The following ANKFN1 variants were observed in gnomAD, a reference collection of about 807,000 sequenced individuals.
The protein encoded by ANKFN1 is ankyrin repeat and fibronectin type-III domain-containing protein 1.
In ANKFN1, 74 loss-of-function variants were observed where a neutral mutation model predicts 108.7. The ratio of observed to expected loss-of-function variants is 0.68; its 90% CI spans 0.56 to 0.83. The LOEUF is 0.83. ANKFN1 is among the 40% of genes least tolerant of loss of function. ANKFN1 has a pLI of 0.00. For missense variants in ANKFN1, 1,505 were observed against 1,382.3 expected (o/e 1.09, Z -1.41); for synonymous variants, 547 against 516.2 (o/e 1.06, Z -0.81).
chr17:56,261,538 C>T (rs2043511088), intron 3 of ANKFN1, among the ~76,000 whole-genome samples: 1 of 152,124 alleles, frequency 6.6e-6, no homozygotes, highest in African/African-American at 2.4e-5. Context: ...AGCAAGGAAG[C>T]CAGTCCAAGT....
intron 1 of ANKFN1, among the ~76,000 whole-genome samples, chr17:56,188,605 A>ATATATATATATG (rs1912540001): frequency 7.4e-6 from 1 of 134,532 alleles, no homozygotes; most frequent in Non-Finnish European, 1.6e-5. Flanking sequence ...ATATATATAT[A>ATATATATATATG]TATATATATA....
At chr17:56,409,113 C>T (rs931622261) in intron 8 of ANKFN1, among the ~76,000 whole-genome samples, 9 of 151,816 alleles carry the variant, frequency 5.9e-5, no homozygotes, top group African/African-American at 1.5e-4. Flanking sequence ...TTAGTAAAGA[C>T]GGGGTTTCAC....
At chr17:56,351,019 T>C in intron 5 of ANKFN1, 52 bp downstream of exon 5, 1 of 1,565,112 alleles carries the variant, frequency 6.4e-7, no homozygotes, top group Non-Finnish European at 8.7e-7. Flanking sequence ...CATTTATGTT[T>C]GGGTTTAAGG....
chr17:56,394,904 AGT>A (rs2047535276), intron 8 of ANKFN1, among the ~76,000 whole-genome samples: 1 of 152,120 alleles, frequency 6.6e-6, no homozygotes, highest in African/African-American at 2.4e-5. Context: ...TCCAGGAAAA[AGT>A]GTGTTTTTCT....
intron 3 of ANKFN1, chr17:56,258,389 A>G (rs1427369639): frequency 2.0e-5 from 3 of 152,118 alleles, no homozygotes; most frequent in South Asian, 2.1e-4. Flanking sequence ...TTTTTCCTCT[A>G]AATTATGTCA....
rs1360342348 is a variant in ANKFN1 at position 56,055,442 on chromosome 17, TG to T, written c.288+9118del. Among the ~76,000 whole-genome samples, 7 of 23,138 alleles carry T rather than the reference TG, an allele frequency of 3.0e-4. No homozygotes were observed. The South Asian group carries it at 9.6e-3, about 32-fold the overall frequency. The allele number at this position is 23,138 out of a possible 152,430, so 15.2% of individuals were successfully genotyped here. On this transcript the variant is annotated intron_variant, in intron 4 of 12. Coordinates refer to the ANKFN1 transcript ENST00000635860. ...TGGTTGTATATTATCCCATTATGTC[TG>T]TGTGTGTGTGTGTGTATTATTCCAT... is the stretch of plus-strand genomic sequence containing the variant.
At chr17:56,094,659 A>AAG (rs1341903748) in intron 4 of ANKFN1, among the ~76,000 whole-genome samples, 2 of 81,542 alleles carry the variant, frequency 2.5e-5, no homozygotes, top group African/African-American at 7.6e-5. Flanking sequence ...GCACACCACC[A>AAG]CGCCCAGCTA....
At chr17:56,082,215 T>C (rs1905254178) in intron 4 of ANKFN1, among the ~76,000 whole-genome samples, 1 of 152,306 alleles carries the variant, frequency 6.6e-6, no homozygotes, top group East Asian at 1.9e-4. Context: ...AGACCTCAGT[T>C]CATCTTCCCC....
intron 3 of ANKFN1, among the ~76,000 whole-genome samples, chr17:56,278,008 C>T (rs535787771): frequency 6.6e-6 from 1 of 152,222 alleles, no homozygotes; most frequent in African/African-American, 2.4e-5. Flanking sequence ...TTTGAAAAAC[C>T]CTTGCTTCCT....
At chr17:56,170,799 TATATATATACACAC>T (rs1314871346) in intron 1 of ANKFN1, among the ~76,000 whole-genome samples, 2 of 62,824 alleles carry the variant, frequency 3.2e-5, no homozygotes, top group African/African-American at 9.4e-5. Context: ...TATATATATA[TATATATATACACAC>T]ACACACACAC....
At chr17:56,414,972 A>G (rs889553328) in intron 8 of ANKFN1, among the ~76,000 whole-genome samples, 1 of 152,088 alleles carries the variant, frequency 6.6e-6, no homozygotes. Flanking sequence ...GTGAGCCAAG[A>G]TCGCACCACT....
At chr17:56,230,350 G>A (rs76139691) in intron 3 of ANKFN1, among the ~76,000 whole-genome samples, 1 of 152,238 alleles carries the variant, frequency 6.6e-6, no homozygotes, top group African/African-American at 2.4e-5. Flanking sequence ...TCTTTTTGGG[G>A]AAGGAGAGAG....
At chr17:56,390,650 T>C (rs1296176107) in intron 8 of ANKFN1, among the ~76,000 whole-genome samples, 4 of 152,230 alleles carry the variant, frequency 2.6e-5, no homozygotes, top group Non-Finnish European at 5.9e-5. Flanking sequence ...AGAACTAGTT[T>C]ACAGTCCCAC....
intron 3 of ANKFN1, among the ~76,000 whole-genome samples, chr17:56,265,855 G>A (rs568138636): frequency 3.3e-5 from 5 of 152,032 alleles, no homozygotes; most frequent in Admixed American, 6.6e-5. Flanking sequence ...TTGTTTTACT[G>A]TCTTTTTGTT....
intron 8 of ANKFN1, among the ~76,000 whole-genome samples, chr17:56,425,127 TAAAA>T (rs59432133): frequency 7.2e-6 from 1 of 139,858 alleles, no homozygotes; most frequent in African/African-American, 2.6e-5. Context: ...AGCTCTTAGT[TAAAA>T]AAAAAAAAAA....
At chr17:56,300,393 G>A (rs981045887) in intron 3 of ANKFN1, among the ~76,000 whole-genome samples, 59 of 152,214 alleles carry the variant, frequency 3.9e-4, no homozygotes, top group African/African-American at 1.2e-3. Flanking sequence ...TGAAATCCAC[G>A]TTGCCAAGTC....
intron 2 of ANKFN1, among the ~76,000 whole-genome samples, chr17:56,218,132 A>C (rs1050211737): frequency 6.6e-6 from 1 of 151,240 alleles, no homozygotes. Context: ...CTAATCCCCT[A>C]TCCACATCCA....
chr17:56,435,357 T>G (rs936391057), intron 8 of ANKFN1, among the ~76,000 whole-genome samples: 1 of 152,130 alleles, frequency 6.6e-6, no homozygotes, highest in African/African-American at 2.4e-5. Flanking sequence ...AGGAGATGGA[T>G]CATTGAAAAA....
chr17:56,068,580 G>T (rs1288170020), intron 4 of ANKFN1, among the ~76,000 whole-genome samples: 1 of 152,214 alleles, frequency 6.6e-6, no homozygotes, highest in Non-Finnish European at 1.5e-5. Flanking sequence ...GGTGGAAGAA[G>T]GTAGTGAAAG....
Sources: gnomAD v4.1 joint callset for allele counts (sites outside exome capture counted in the v4.1 genomes callset) on GRCh38, gnomAD v4.1.1 for gene constraint, MANE v1.5 for transcripts, NCBI Gene and HGNC (gene_info 2026-07-23, HGNC 2026-07-21) for gene names.